Variants in FRMD6 observed in about 807,000 individuals in gnomAD.
FRMD6 encodes the protein FERM domain containing 6.
Under a neutral mutation model 73.2 loss-of-function variants are expected in FRMD6, and 37 were observed. That is an observed-to-expected ratio of 0.51 (90% CI 0.39 to 0.66). The LOEUF is 0.66. Among genes scored for constraint, FRMD6 ranks in the 30% least tolerant of loss-of-function variants. FRMD6 has a pLI of 0.00. For missense variants in FRMD6, 714 were observed against 780.5 expected, an observed-to-expected ratio of 0.91 and a Z score of 1.02; for synonymous variants, 273 against 282.2, an observed-to-expected ratio of 0.97 and a Z score of 0.33.
intron 1 of FRMD6, among the ~76,000 whole-genome samples, chr14:51,555,352 C>T (rs912041435): frequency 7.9e-5 from 12 of 152,188 alleles, no homozygotes; most frequent in African/African-American, 2.9e-4. Flanking sequence ...AAATTTAAAA[C>T]AAATTTGCCT....
intron 1 of FRMD6, among the ~76,000 whole-genome samples, chr14:51,684,455 T>C (rs1895017187): frequency 6.6e-6 from 1 of 152,226 alleles, no homozygotes; most frequent in African/African-American, 2.4e-5. Flanking sequence ...AGCACTCAGT[T>C]GCTAATCTTT....
At chr14:51,534,141 C>G (rs552552075) in intron 1 of FRMD6, among the ~76,000 whole-genome samples, 2 of 152,298 alleles carry the variant, frequency 1.3e-5, no homozygotes, top group African/African-American at 4.8e-5. Context: ...CTCCTGTCTG[C>G]CTGTAGGGAC....
the FRMD6 span, among the ~76,000 whole-genome samples, chr14:51,469,356 G>A: frequency 1.3e-3 from 196 of 150,584 alleles, 1 homozygote; most frequent in African/African-American, 4.6e-3. Flanking sequence ...GCTCACGCCT[G>A]TAATCCCAGC....
intron 1 of FRMD6, among the ~76,000 whole-genome samples, chr14:51,675,894 G>T (rs1894357983): frequency 1.3e-5 from 2 of 151,924 alleles, no homozygotes; most frequent in African/African-American, 4.8e-5. Context: ...ATTAAATCTA[G>T]AATCTCCAAA....
intron 10 of FRMD6, among the ~76,000 whole-genome samples, chr14:51,716,910 A>T (rs374911937): frequency 6.6e-6 from 1 of 152,354 alleles, no homozygotes; most frequent in East Asian, 1.9e-4. Context: ...TAATTTGCCA[A>T]GTCAGCTTCA....
At chr14:51,484,698 C>T (rs996716336), upstream of FRMD6, among the ~76,000 whole-genome samples, 1 of 152,226 alleles carries the variant, frequency 6.6e-6, no homozygotes, top group African/African-American at 2.4e-5. Flanking sequence ...TAAATCAAAC[C>T]CCGGCTGGAA....
At chr14:51,459,689 T>C in the FRMD6 span, among the ~76,000 whole-genome samples, 360 of 151,632 alleles carry the variant, frequency 2.4e-3, 1 homozygote, top group African/African-American at 8.3e-3. Context: ...TAGCCGGGCG[T>C]GGTGGCGGGT....
At chr14:51,455,061 G>C in the FRMD6 span, among the ~76,000 whole-genome samples, 14 of 152,324 alleles carry the variant, frequency 9.2e-5, no homozygotes, top group African/African-American at 2.6e-4. Flanking sequence ...TTGAGAGAGA[G>C]AGAGAGAGTG....
chr14:51,534,867 A>C (rs1885789239), intron 1 of FRMD6, among the ~76,000 whole-genome samples: 1 of 152,242 alleles, frequency 6.6e-6, no homozygotes. Flanking sequence ...GAGTCCAGAT[A>C]GGACTAGAAG....
At chr14:51,577,072 A>G (rs78815520) in intron 2 of FRMD6, among the ~76,000 whole-genome samples, 4,525 of 152,142 alleles carry the variant, frequency 0.03, 100 homozygotes, top group Non-Finnish European at 0.042. Context: ...TGTTTGTGTA[A>G]CCTCTGGTGA....
chr14:51,397,721 G>T, the FRMD6 span, among the ~76,000 whole-genome samples: 1 of 152,130 alleles, frequency 6.6e-6, no homozygotes, highest in Non-Finnish European at 1.5e-5. Context: ...CGCGCCACAT[G>T]TAGAAAATTC....
At chr14:51,701,762 A>C (rs1476956322) in intron 4 of FRMD6, among the ~76,000 whole-genome samples, 1 of 151,670 alleles carries the variant, frequency 6.6e-6, no homozygotes, top group African/African-American at 2.4e-5. Flanking sequence ...CTTTTAAATG[A>C]AAAGTATGGA....
At chr14:51,553,024 C>G (rs1886928878) in intron 1 of FRMD6, among the ~76,000 whole-genome samples, 1 of 152,204 alleles carries the variant, frequency 6.6e-6, no homozygotes, top group South Asian at 2.1e-4. Flanking sequence ...CTGCCAATAC[C>G]TGTGACCTGG....
chr14:51,707,700 T>C (rs1896700953), intron 6 of FRMD6, among the ~76,000 whole-genome samples: 1 of 152,194 alleles, frequency 6.6e-6, no homozygotes, highest in Admixed American at 6.6e-5. Flanking sequence ...AACCTGAAGA[T>C]GTGCCTACTA....
chr14:51,478,625 G>T, the FRMD6 span, among the ~76,000 whole-genome samples: 1 of 152,188 alleles, frequency 6.6e-6, no homozygotes, highest in Non-Finnish European at 1.5e-5. Context: ...AAGAATGGGT[G>T]TGGGAAAGAG....
chr14:51,702,389 A>G, intron 4 of FRMD6, 123 bp from the exon 5 acceptor site: 1 of 755,644 alleles, frequency 1.3e-6, no homozygotes, highest in South Asian at 1.6e-5. Flanking sequence ...ACTCATTATA[A>G]GTAAATAAAA....
chr14:51,641,120 C>G (rs113159468), intron 2 of FRMD6, among the ~76,000 whole-genome samples: 35,891 of 151,926 alleles, frequency 0.24, 4,654 homozygotes, highest in East Asian at 0.3. Flanking sequence ...ATAGGCGATG[C>G]CACCACACCC....
At chr14:51,431,235 CAA>C in the FRMD6 span, among the ~76,000 whole-genome samples, 7 of 152,142 alleles carry the variant, frequency 4.6e-5, no homozygotes, top group Non-Finnish European at 1.0e-4. Flanking sequence ...AAGAGATTTT[CAA>C]AGTTTGCAAA....
At chr14:51,455,070 T>G in the FRMD6 span, among the ~76,000 whole-genome samples, 5 of 151,202 alleles carry the variant, frequency 3.3e-5, no homozygotes, top group African/African-American at 1.2e-4. Context: ...AGAGAGAGAG[T>G]GAGAGCGAGC....
Sources: allele counts gnomAD v4.1 joint callset (sites outside exome capture counted in the v4.1 genomes callset), GRCh38; gene constraint gnomAD v4.1.1; transcripts MANE v1.5; gene names NCBI Gene and HGNC (gene_info 2026-07-23, HGNC 2026-07-21).